The following SLF1 variants were observed in gnomAD, a reference collection of about 807,000 sequenced individuals.
SLF1 encodes SMC5-SMC6 complex localization factor protein 1.
In SLF1, 105 loss-of-function variants were observed where a neutral mutation model predicts 123.0. The observed-to-expected ratio is 0.85, with a 90% CI of 0.73 to 1.00. The LOEUF (loss-of-function observed/expected upper bound fraction) is 1.00. Ranked by LOEUF, SLF1 falls within the 50% of genes least tolerant of loss-of-function variation. SLF1 has a pLI of 0.00. For missense variants in SLF1, 1,239 were observed against 1,223.0 expected (o/e 1.01, Z -0.20); for synonymous variants, 434 against 406.6 (o/e 1.07, Z -0.81).
At chr5:94,662,715 T>A (rs1052344500) in intron 10 of SLF1, among the ~76,000 whole-genome samples, 4 of 151,990 alleles carry the variant, frequency 2.6e-5, no homozygotes, top group African/African-American at 9.7e-5. Flanking sequence ...AAGAAAATGA[T>A]ACCTTTATTT....
chr5:94,676,904 A>G (rs1268924789), intron 14 of SLF1, among the ~76,000 whole-genome samples: 1 of 152,240 alleles, frequency 6.6e-6, no homozygotes, highest in African/African-American at 2.4e-5. Context: ...AATATTGAAT[A>G]TACATATAAG....
intron 3 of SLF1, chr5:94,629,543 C>G (rs1216549897): frequency 6.1e-6 from 1 of 162,960 alleles, no homozygotes; most frequent in African/African-American, 2.4e-5. Context: ...CTTTTGTTCT[C>G]TCTGCTGCTT....
rs912337235 is a variant in SLF1 at position 94,680,420 on chromosome 5, C to G, written c.1975+1465C>G. Among the ~76,000 whole-genome samples, 3 of 152,234 alleles carry G rather than the reference C, an allele frequency of 2.0e-5. No individual in the cohort carries two copies. In the South Asian group the frequency reaches 6.2e-4, roughly 32 times the overall value. On this transcript the variant is annotated intron_variant, in intron 15 of 20. Transcript: ENST00000265140. ...ATTCAATCTTCCTGCAGAACCCTTT[C>G]TTATATTTCTTTCCCACCATTCCTA...
intron 5 of SLF1, among the ~76,000 whole-genome samples, chr5:94,645,241 C>T (rs1195062342): frequency 6.6e-6 from 1 of 152,158 alleles, no homozygotes; most frequent in Non-Finnish European, 1.5e-5. Context: ...AAGAATGTAA[C>T]CTGAAATACT....
At chr5:94,626,641 T>G (rs527675315) in intron 1 of SLF1, among the ~76,000 whole-genome samples, 6 of 152,288 alleles carry the variant, frequency 3.9e-5, no homozygotes, top group African/African-American at 1.4e-4. Flanking sequence ...GGTTTTTGTT[T>G]TGGTTTGTTT....
chr5:94,640,064 G>A (rs1210031666), intron 4 of SLF1, among the ~76,000 whole-genome samples: 1 of 152,114 alleles, frequency 6.6e-6, no homozygotes, highest in African/African-American at 2.4e-5. Context: ...TGTATCTTCA[G>A]TATTTGACTT....
rs966839177 is a variant in SLF1, at chr5:94,697,143, G to T, written c.*1831G>T. 5 of 151,798 alleles carry T rather than the reference G, an allele frequency of 3.3e-5. No individual in the cohort carries two copies. Among genetic ancestry groups the T allele is most frequent in the African/African-American group, 1.2e-4 (5 of 41,392 alleles). The allele number at this position is 151,798 out of a possible 1,614,324, so 9.4% of individuals were successfully genotyped here. On this transcript the variant is annotated 3_prime_UTR_variant, in exon 21 of 21. Coordinates refer to ENST00000265140, the MANE Select transcript of SLF1 (RefSeq NM_032290.4). ...CTCTGTCTGCCAACTTCTACAAGCA[G>T]TGATGACATGAAGTGTGAAACAGAT...
At chr5:94,651,328 A>G (rs952934887) in intron 6 of SLF1, among the ~76,000 whole-genome samples, 1 of 152,236 alleles carries the variant, frequency 6.6e-6, no homozygotes, top group African/African-American at 2.4e-5. Context: ...GCATGACTGT[A>G]TATATGTCTT....
intron 5 of SLF1, among the ~76,000 whole-genome samples, chr5:94,646,325 T>A (rs1015132398): frequency 6.6e-6 from 1 of 152,164 alleles, no homozygotes; most frequent in Non-Finnish European, 1.5e-5. Flanking sequence ...AGCTTCTGAG[T>A]ACCAGAACTG....
chr5:94,679,145 C>T (rs1751459796), intron 15 of SLF1, among the ~76,000 whole-genome samples, 190 bp downstream of exon 15: 1 of 152,140 alleles, frequency 6.6e-6, no homozygotes. Flanking sequence ...CCATATTGTT[C>T]CTACACAGAT....
At chr5:94,626,414 A>AC (rs1379828987) in intron 1 of SLF1, among the ~76,000 whole-genome samples, 1 of 152,146 alleles carries the variant, frequency 6.6e-6, no homozygotes, top group Non-Finnish European at 1.5e-5. Context: ...TACTGACTAG[A>AC]CCAAATCCCT....
intron 19 of SLF1, among the ~76,000 whole-genome samples, 194 bp from the exon 20 acceptor site, chr5:94,691,880 A>G (rs1190596166): frequency 6.6e-6 from 1 of 152,132 alleles, no homozygotes; most frequent in Admixed American, 6.5e-5. Context: ...CCCAACATTA[A>G]TATTTTAAAA....
At chr5:94,687,277 C>T (rs1408183554) in intron 16 of SLF1, among the ~76,000 whole-genome samples, 1 of 152,154 alleles carries the variant, frequency 6.6e-6, no homozygotes, top group African/African-American at 2.4e-5. Context: ...GGGAGGATTG[C>T]TTAATCCCCA....
intron 12 of SLF1, 24 bp from the exon 13 acceptor site, chr5:94,670,127 G>T: frequency 6.6e-7 from 1 of 1,523,792 alleles, no homozygotes; most frequent in South Asian, 1.3e-5. Context: ...GTATGTTATA[G>T]ATTTTTGGGT....
In SLF1 at chr5:94,697,463, T is replaced by C. The variant is rs1753570036; in HGVS notation, c.*2151T>C. On this transcript the variant is annotated 3_prime_UTR_variant, in exon 21 of 21. Coordinates refer to ENST00000265140, the MANE Select transcript of SLF1 (RefSeq NM_032290.4). ...GTCCTAGATTTTCAATGGCAGACTT[T>C]TCAAAGTTGCATCTGAAGACAAGGT... 6.6e-6 allele frequency: 1 copy of C among 151,912 alleles called. No individual in the cohort carries two copies. The highest frequency in any genetic ancestry group is 2.4e-5 in the African/African-American group (1 of 41,406). 9.4% of individuals were successfully genotyped at this position (151,912 alleles called of 1,614,324 possible).
chr5:94,689,690 A>T, intron 18 of SLF1, 84 bp downstream of exon 18: 1 of 1,271,648 alleles, frequency 7.9e-7, no homozygotes, highest in South Asian at 1.5e-5. Context: ...ATTTGCCCTG[A>T]TGAATACTTG....
intron 1 of SLF1, among the ~76,000 whole-genome samples, chr5:94,628,078 C>G (rs1255593744): frequency 6.6e-6 from 1 of 152,046 alleles, no homozygotes; most frequent in East Asian, 1.9e-4. Flanking sequence ...CTGCCCGCCT[C>G]GGCCTCCCAA....
Position 94,696,691 on chromosome 5 carries a change from CTT to C in SLF1, c.*1380_*1381del, listed in dbSNP as rs1753530653. ...GTAAAGGTGTCTGGGATAGTGTTTG[CTT>C]GGTAAACTAATATAAACTTGTAAAC... On this transcript the variant is annotated 3_prime_UTR_variant, in exon 21 of 21. Coordinates refer to ENST00000265140, the MANE Select transcript of SLF1 (RefSeq NM_032290.4). 6.6e-6 allele frequency: 1 copy of C among 151,790 alleles called. No homozygotes were observed. Among genetic ancestry groups the C allele is most frequent in the Admixed American group, 6.6e-5 (1 of 15,190 alleles). The allele number at this position is 151,790 out of a possible 1,614,324, so 9.4% of individuals were successfully genotyped here. A position where few individuals can be genotyped will look rare whatever the true frequency, so the allele number is the denominator to read the frequency against.
chr5:94,689,798 C>G (rs888267681), intron 18 of SLF1, among the ~76,000 whole-genome samples, 192 bp downstream of exon 18: 1 of 152,048 alleles, frequency 6.6e-6, no homozygotes, highest in Non-Finnish European at 1.5e-5. Context: ...GTTTAATAAC[C>G]AGTATAATAG....
Sources: gnomAD v4.1 joint callset for allele counts (sites outside exome capture counted in the v4.1 genomes callset) on GRCh38, gnomAD v4.1.1 for gene constraint, MANE v1.5 for transcripts, NCBI Gene and HGNC (gene_info 2026-07-23, HGNC 2026-07-21) for gene names.